Variants in EYS observed in about 807,000 individuals in gnomAD.
The protein encoded by EYS is protein eyes shut homolog.
In EYS, 250 loss-of-function variants were observed where a neutral mutation model predicts 282.1. The observed-to-expected ratio is 0.89, with a 90% CI of 0.80 to 0.98. EYS has a LOEUF of 0.98. Among genes scored for constraint, EYS ranks in the 50% least tolerant of loss-of-function variants. EYS has a pLI of 0.00. For missense variants in EYS, 4,016 were observed against 3,709.0 expected, an observed-to-expected ratio of 1.08 and a Z score of -2.15; for synonymous variants, 1,355 against 1,282.9, an observed-to-expected ratio of 1.06 and a Z score of -1.20.
intron 29 of EYS, among the ~76,000 whole-genome samples, chr6:64,350,791 C>A (rs1265891885): frequency 6.6e-6 from 1 of 151,572 alleles, no homozygotes; most frequent in Non-Finnish European, 1.5e-5. Context: ...CAAGTCTCAT[C>A]TTGAATTGTA....
intron 5 of EYS, among the ~76,000 whole-genome samples, chr6:65,483,167 TTTGAAA>T (rs1765665585): frequency 6.6e-6 from 1 of 152,088 alleles, no homozygotes; most frequent in African/African-American, 2.4e-5. Flanking sequence ...TTTTATAATG[TTTGAAA>T]TTGAAGTTTG....
chr6:65,372,195 A>G (rs1367896712), intron 8 of EYS, among the ~76,000 whole-genome samples: 1 of 152,062 alleles, frequency 6.6e-6, no homozygotes, highest in African/African-American at 2.4e-5. Context: ...GCCAGTTGCA[A>G]AAGAAGAGAA....
chr6:64,858,754 C>CA (rs1282586498), intron 19 of EYS, among the ~76,000 whole-genome samples: 1 of 151,646 alleles, frequency 6.6e-6, no homozygotes, highest in Non-Finnish European at 1.5e-5. Flanking sequence ...CAATAGATGC[C>CA]AAAAAACCTC....
At chr6:64,551,687 C>T (rs577386014) in intron 26 of EYS, among the ~76,000 whole-genome samples, 3 of 152,042 alleles carry the variant, frequency 2.0e-5, no homozygotes, top group Admixed American at 2.0e-4. Context: ...CAAGCACCCG[C>T]CACCATGCCC....
chr6:65,207,122 C>T (rs973105773), intron 12 of EYS, among the ~76,000 whole-genome samples: 2 of 151,512 alleles, frequency 1.3e-5, no homozygotes, highest in African/African-American at 4.8e-5. Context: ...ATAACTAGAA[C>T]CCCCTAATAA....
Position 65,525,001 on chromosome 6 carries a change from C to T in EYS, c.-332-29008G>A, listed in dbSNP as rs141769234. ...CCATGGTGACTGGAAGTCCACGTTG[C>T]TGGGCCCATGCATAATTTCCATCCT... On this transcript the variant is annotated intron_variant, in intron 2 of 42. Transcript: ENST00000503581. Among the ~76,000 whole-genome samples, 272 of 151,712 alleles carry T rather than the reference C, an allele frequency of 1.8e-3. 2 individuals are homozygous for T. Among genetic ancestry groups the T allele is most frequent in the African/African-American group, 6.0e-3 (247 of 41,308 alleles).
chr6:63,838,529 T>C (rs917602795), intron 36 of EYS, among the ~76,000 whole-genome samples: 2 of 152,180 alleles, frequency 1.3e-5, no homozygotes, highest in African/African-American at 2.4e-5. Context: ...GCCCTGTATA[T>C]GTGGTGATAA....
At position 64,308,775 on chromosome 6, in the gene EYS, G is replaced by A. The variant is rs187427802; in HGVS notation, c.6079-1693C>T. ...AAATTTACTGCAAAGACTCTCACCT[G>A]GTAATACTCTGTCAAACGTCAAAAA... On this transcript the variant is annotated intron_variant, in intron 29 of 42. Coordinates refer to ENST00000503581, the MANE Select transcript of EYS (RefSeq NM_001142800.2). Among the ~76,000 whole-genome samples the A allele has an allele frequency of 2.0e-3, 298 of 151,998 alleles. 1 individual carries two copies. The highest frequency in any genetic ancestry group is 6.6e-3 in the African/African-American group (274 of 41,516).
chr6:64,516,628 G>C (rs1011168147), intron 26 of EYS, among the ~76,000 whole-genome samples: 3 of 151,654 alleles, frequency 2.0e-5, no homozygotes, highest in Non-Finnish European at 4.4e-5. Flanking sequence ...GACCTCCACA[G>C]TCCTAAACCC....
At chr6:63,977,296 A>ATT (rs1442762104) in intron 35 of EYS, among the ~76,000 whole-genome samples, 1 of 152,020 alleles carries the variant, frequency 6.6e-6, no homozygotes, top group East Asian at 1.9e-4. Context: ...CTTTGTGTCA[A>ATT]GAACATTCCA....
chr6:64,396,647 G>A (rs1216642399), intron 28 of EYS, among the ~76,000 whole-genome samples: 2 of 151,894 alleles, frequency 1.3e-5, no homozygotes, highest in African/African-American at 4.8e-5. Flanking sequence ...AAATCCAATC[G>A]ACTCAGTAAC....
At chr6:64,008,250 T>C (rs1239479508) in intron 33 of EYS, among the ~76,000 whole-genome samples, 2 of 152,190 alleles carry the variant, frequency 1.3e-5, no homozygotes, top group African/African-American at 4.8e-5. Context: ...TCTTTTTTGA[T>C]CATTATTGGC....
At chr6:65,138,547 C>G (rs1776086830) in intron 12 of EYS, among the ~76,000 whole-genome samples, 1 of 151,894 alleles carries the variant, frequency 6.6e-6, no homozygotes, top group Non-Finnish European at 1.5e-5. Flanking sequence ...AAACAGAAAA[C>G]TGAAAGTTGG....
intron 26 of EYS, among the ~76,000 whole-genome samples, chr6:64,529,454 G>C (rs1194633488): frequency 6.6e-6 from 1 of 152,026 alleles, no homozygotes; most frequent in Non-Finnish European, 1.5e-5. Flanking sequence ...ATGAGAACGA[G>C]ATTAATCATC....
intron 15 of EYS, among the ~76,000 whole-genome samples, chr6:64,945,420 A>C (rs1405372962): frequency 6.6e-6 from 1 of 152,070 alleles, no homozygotes; most frequent in Non-Finnish European, 1.5e-5. Context: ...CTAAGTAAAA[A>C]ATTGGAAGTT....
intron 22 of EYS, among the ~76,000 whole-genome samples, chr6:64,676,316 C>CTCTA (rs1769672205): frequency 8.4e-6 from 1 of 119,054 alleles, no homozygotes; most frequent in East Asian, 2.6e-4. Context: ...TCCAATATAT[C>CTCTA]TATATATATA....
At chr6:64,947,331 A>G (rs58913761) in intron 14 of EYS, among the ~76,000 whole-genome samples, 10,218 of 151,964 alleles carry the variant, frequency 0.067, 435 homozygotes, top group East Asian at 0.13. Flanking sequence ...TGCTCCATGT[A>G]TGTGCATTTA....
chr6:65,181,171 C>T (rs575147691), intron 12 of EYS, among the ~76,000 whole-genome samples: 1 of 152,014 alleles, frequency 6.6e-6, no homozygotes, highest in Non-Finnish European at 1.5e-5. Flanking sequence ...TCCAAAACAC[C>T]AAAAGCAATG....
chr6:65,463,044 C>T (rs966890788), intron 5 of EYS, among the ~76,000 whole-genome samples: 3 of 151,952 alleles, frequency 2.0e-5, no homozygotes, highest in East Asian at 1.9e-4. Context: ...TCATCTCTGC[C>T]GTATTTCCCT....
Sources: allele counts gnomAD v4.1 joint callset (sites outside exome capture counted in the v4.1 genomes callset), GRCh38; gene constraint gnomAD v4.1.1; transcripts MANE v1.5; gene names NCBI Gene and HGNC (gene_info 2026-07-23, HGNC 2026-07-21).